Variants in EHBP1 observed in about 807,000 individuals in gnomAD.
EHBP1 encodes the protein EH domain-binding protein 1.
EHBP1 carries 55 observed loss-of-function variants against 144.0 expected under a neutral mutation model. The observed-to-expected ratio is 0.38, with a 90% CI of 0.31 to 0.48. The LOEUF is 0.48. EHBP1 is among the 20% of genes least tolerant of loss of function. EHBP1 has a pLI of 0.98. For synonymous variants in EHBP1, 469 were observed against 472.7 expected, an observed-to-expected ratio of 0.99 and a Z score of 0.10; for missense variants, 1,200 against 1,364.2, an observed-to-expected ratio of 0.88 and a Z score of 1.90.
rs116670210 is a variant in EHBP1, at chr2:62,745,236, G to A, written c.105-2159G>A. On this transcript the variant is annotated intron_variant, in intron 2 of 22. Coordinates refer to ENST00000431489, the MANE Select transcript of EHBP1 (RefSeq NM_001142616.3). ...GTAGGATTACAAAGATAAATAAGAC[G>A]TGGTTGATAAAATAGTGCAGTCTAG... 2.5e-3 allele frequency among the ~76,000 whole-genome samples: 381 copies of A among 152,132 alleles called. 2 individuals carry two copies. The highest frequency in any genetic ancestry group is 8.4e-3 in the African/African-American group (347 of 41,534).
At chr2:62,905,425 G>C (rs1310098722) in intron 10 of EHBP1, among the ~76,000 whole-genome samples, 2 of 152,166 alleles carry the variant, frequency 1.3e-5, no homozygotes, top group East Asian at 1.9e-4. Context: ...ACTAGACAGG[G>C]ACTAGACCAT....
Position 62,933,796 on chromosome 2 carries a change from C to T in EHBP1, c.1186-8922C>T, listed in dbSNP as rs945677265. ...GCTTTATTGTTTTAAGTATGACCCC[C>T]CTAAACAATATGGTTTACTTTTGAC... On this transcript the variant is annotated intron_variant, in intron 10 of 22. Transcript: ENST00000431489. Among the ~76,000 whole-genome samples the T allele has an allele frequency of 5.9e-5, 9 of 152,184 alleles. No homozygotes were observed. The South Asian group carries it at 1.9e-3, about 32-fold the overall frequency.
chr2:62,936,974 A>G (rs1449810525), intron 10 of EHBP1, among the ~76,000 whole-genome samples: 2 of 152,326 alleles, frequency 1.3e-5, no homozygotes, highest in East Asian at 1.9e-4. Flanking sequence ...CAATGTTAGT[A>G]TATGTCTCGT....
chr2:62,931,160 A>G lies in EHBP1; in HGVS notation c.1186-11558A>G, dbSNP rs987902039. On this transcript the variant is annotated intron_variant, in intron 10 of 22. Coordinates refer to ENST00000431489, the MANE Select transcript of EHBP1 (RefSeq NM_001142616.3). The stretch of plus-strand genomic sequence containing the variant: ...GGATTTATATCCAGCATATATAGGA[A>G]ACTCTTAAAACTTAACCAAAAACCA... 4.6e-5 allele frequency among the ~76,000 whole-genome samples: 7 copies of G among 152,226 alleles called. No individual in the cohort carries two copies. In the East Asian group the frequency reaches 9.6e-4, roughly 21 times the overall value.
chr2:63,017,120 G>C (rs2060516960), intron 19 of EHBP1, among the ~76,000 whole-genome samples: 1 of 152,194 alleles, frequency 6.6e-6, no homozygotes, highest in Non-Finnish European at 1.5e-5. Flanking sequence ...GGACACTATG[G>C]CTTTAGAAAT....
At chr2:62,864,560 T>G (rs1371028436) in intron 8 of EHBP1, among the ~76,000 whole-genome samples, 171 bp from the exon 9 acceptor site, 3 of 152,174 alleles carry the variant, frequency 2.0e-5, no homozygotes, top group Non-Finnish European at 1.5e-5. Context: ...TTCTGAACAT[T>G]AAGACTACTT....
At chr2:62,716,559 A>G (rs2151890876) in intron 2 of EHBP1, among the ~76,000 whole-genome samples, 1 of 152,352 alleles carries the variant, frequency 6.6e-6, no homozygotes, top group South Asian at 2.1e-4. Context: ...TAATGGCAAT[A>G]CACATGTGTC....
intron 14 of EHBP1, among the ~76,000 whole-genome samples, chr2:62,967,896 G>A (rs1333837481): frequency 6.6e-6 from 1 of 151,308 alleles, no homozygotes; most frequent in Non-Finnish European, 1.5e-5. Flanking sequence ...CATCTCAAAT[G>A]TCAAGTTTAC....
At chr2:62,795,077 CTT>C (rs2043444594) in intron 5 of EHBP1, among the ~76,000 whole-genome samples, 1 of 151,798 alleles carries the variant, frequency 6.6e-6, no homozygotes, top group Non-Finnish European at 1.5e-5. Flanking sequence ...TGACATGAAT[CTT>C]TTGATGGAAT....
intron 1 of EHBP1, among the ~76,000 whole-genome samples, chr2:62,681,031 G>T (rs1338424488): frequency 6.6e-6 from 1 of 151,874 alleles, no homozygotes; most frequent in Non-Finnish European, 1.5e-5. Flanking sequence ...TACAAAAAAT[G>T]GCCGGGCGTG....
chr2:62,872,868 A>C (rs1287920702), intron 9 of EHBP1, among the ~76,000 whole-genome samples: 5 of 152,162 alleles, frequency 3.3e-5, no homozygotes, highest in Non-Finnish European at 5.9e-5. Context: ...CTTGAAAAGT[A>C]GGGAATTGAA....
chr2:62,937,631 T>G (rs2153058531), intron 10 of EHBP1, among the ~76,000 whole-genome samples: 1 of 152,252 alleles, frequency 6.6e-6, no homozygotes, highest in Non-Finnish European at 1.5e-5. Flanking sequence ...GAACTAAATC[T>G]TGAAGATTTG....
intron 15 of EHBP1, among the ~76,000 whole-genome samples, chr2:62,985,332 A>G (rs2059139182): frequency 6.6e-6 from 1 of 152,184 alleles, no homozygotes; most frequent in Non-Finnish European, 1.5e-5. Context: ...GAGTGATATT[A>G]TAGAAATAAT....
chr2:62,771,281 G>T (rs577156978), intron 4 of EHBP1, 58 bp from the exon 5 acceptor site: 13 of 1,328,738 alleles, frequency 9.8e-6, no homozygotes, highest in African/African-American at 5.9e-5. Flanking sequence ...TCTTAATTGG[G>T]TTTATTGGAC....
At chr2:62,720,077 G>A (rs995055240) in intron 2 of EHBP1, among the ~76,000 whole-genome samples, 1 of 152,148 alleles carries the variant, frequency 6.6e-6, no homozygotes, top group African/African-American at 2.4e-5. Context: ...TCTCAAGTTT[G>A]AGAATTAGAT....
intron 3 of EHBP1, among the ~76,000 whole-genome samples, chr2:62,754,114 C>T (rs1433462327): frequency 1.3e-5 from 2 of 152,144 alleles, no homozygotes; most frequent in Non-Finnish European, 2.9e-5. Context: ...TTTTCCCCAT[C>T]TTTGTGGTTT....
chr2:62,858,481 G>T (rs753000207), intron 7 of EHBP1: 2 of 1,611,226 alleles, frequency 1.2e-6, no homozygotes, highest in East Asian at 2.2e-5. Flanking sequence ...GCAAATATGC[G>T]TTCAGCTAAA....
chr2:63,027,289 C>T (rs1422735943), intron 19 of EHBP1, among the ~76,000 whole-genome samples: 3 of 152,190 alleles, frequency 2.0e-5, no homozygotes, highest in Non-Finnish European at 2.9e-5. Context: ...ATGACAGTCT[C>T]TTTGAGACAT....
chr2:62,813,801 T>G (rs2045240020), intron 5 of EHBP1, among the ~76,000 whole-genome samples: 1 of 152,256 alleles, frequency 6.6e-6, no homozygotes, highest in Admixed American at 6.5e-5. Context: ...CCTTTCTTGT[T>G]GCCTATTTCT....
Sources: allele counts gnomAD v4.1 joint callset (sites outside exome capture counted in the v4.1 genomes callset), GRCh38; gene constraint gnomAD v4.1.1; transcripts MANE v1.5; gene names NCBI Gene and HGNC (gene_info 2026-07-23, HGNC 2026-07-21).